The following NTF3 variants were observed in gnomAD, a reference collection of about 807,000 sequenced individuals.
NTF3 encodes neurotrophin-3.
In NTF3, 8 loss-of-function variants were observed where a neutral mutation model predicts 26.3. That is an observed-to-expected ratio of 0.30 (90% confidence interval 0.18 to 0.55). The LOEUF (loss-of-function observed/expected upper bound fraction) is 0.55. Among genes scored for constraint, NTF3 ranks in the 20% least tolerant of loss-of-function variants. The pLI is 0.93. For synonymous variants in NTF3, 154 were observed against 145.5 expected (o/e 1.06, Z -0.42); for missense variants, 276 against 352.9 (o/e 0.78, Z 1.75).
At chr12:5,487,380 T>A (rs1448498192) in intron 1 of NTF3, among the ~76,000 whole-genome samples, 18 of 152,242 alleles carry the variant, frequency 1.2e-4, no homozygotes, top group African/African-American at 4.1e-4. Flanking sequence ...TCTATCTCCA[T>A]CTCGGTCCAC....
At chr12:5,478,268 C>T (rs917541241) in intron 1 of NTF3, among the ~76,000 whole-genome samples, 1 of 152,242 alleles carries the variant, frequency 6.6e-6, no homozygotes, top group Admixed American at 6.5e-5. Context: ...GGTCCACCTG[C>T]AAGACTACAG....
chr12:5,476,268 G>C, intron 1 of NTF3, among the ~76,000 whole-genome samples: 1 of 152,140 alleles, frequency 6.6e-6, no homozygotes, highest in East Asian at 1.9e-4. Context: ...AAGGAGATTC[G>C]TAGGTGGAGT....
intron 1 of NTF3, among the ~76,000 whole-genome samples, chr12:5,491,004 A>G (rs1363502465): frequency 6.6e-6 from 1 of 152,190 alleles, no homozygotes; most frequent in Non-Finnish European, 1.5e-5. Flanking sequence ...ACCTGATGCT[A>G]TGCTAGGTGC....
chr12:5,432,440 T>G (rs1295029363), intron 1 of NTF3, 98 bp downstream of exon 1: 1 of 1,323,952 alleles, frequency 7.6e-7, no homozygotes, highest in Non-Finnish European at 1.1e-6. Flanking sequence ...GGGCCCCAGA[T>G]CCGCATCCCG....
At chr12:5,480,401 C>T (rs1269010868) in intron 1 of NTF3, among the ~76,000 whole-genome samples, 1 of 152,176 alleles carries the variant, frequency 6.6e-6, no homozygotes, top group Non-Finnish European at 1.5e-5. Context: ...TGTTGCCTTG[C>T]TGTAAAAGCT....
intron 1 of NTF3, among the ~76,000 whole-genome samples, chr12:5,458,464 C>T (rs1940481074): frequency 1.3e-5 from 2 of 152,196 alleles, no homozygotes; most frequent in South Asian, 4.1e-4. Context: ...GGAACAATTC[C>T]CACTTGTTCC....
At chr12:5,438,263 A>T (rs777647870) in intron 1 of NTF3, among the ~76,000 whole-genome samples, 4 of 152,174 alleles carry the variant, frequency 2.6e-5, no homozygotes, top group Admixed American at 1.3e-4. Flanking sequence ...ATAGTTTTCC[A>T]TAACTCAGTC....
At chr12:5,486,117 C>T (rs1285022423) in intron 1 of NTF3, among the ~76,000 whole-genome samples, 1 of 152,164 alleles carries the variant, frequency 6.6e-6, no homozygotes, top group Non-Finnish European at 1.5e-5. Flanking sequence ...AGCAGGGAGA[C>T]AGGAGGGGCC....
rs920773969 is a variant in NTF3 at position 5,481,654 on chromosome 12, G to A, written c.19-12540G>A. On this transcript the variant is annotated intron_variant, in intron 1 of 1. Coordinates refer to ENST00000423158, the MANE Select transcript of NTF3 (RefSeq NM_001102654.2). The stretch of plus-strand genomic sequence containing the variant: ...ATGCACACATACAGATATACTCACA[G>A]AATACACACATGCACACACATGTAT... Among the ~76,000 whole-genome samples, 3 of 112,142 alleles carry A rather than the reference G, an allele frequency of 2.7e-5. No homozygotes were observed. In the Admixed American group the frequency reaches 2.8e-4, roughly 11 times the overall value. 73.6% of individuals were successfully genotyped at this position (112,142 alleles called of 152,430 possible). A position where few individuals can be genotyped will look rare whatever the true frequency, so the allele number is the denominator to read the frequency against.
chr12:5,495,214 C>A lies in NTF3; in HGVS notation c.*226C>A. ...GTTTTGTGATCCGGCTCTCAGGAGT[C>A]ACTCTGTAAAATCTGTGTACACCAG... On this transcript the variant is annotated 3_prime_UTR_variant, in exon 2 of 2. Coordinates refer to ENST00000423158, the MANE Select transcript of NTF3 (RefSeq NM_001102654.2). 1.9e-6 allele frequency: 1 copy of A among 530,914 alleles called. No homozygotes were observed. The highest frequency in any genetic ancestry group is 3.4e-6 in the Non-Finnish European group (1 of 294,234). The allele number at this position is 530,914 out of a possible 1,614,324, so 32.9% of individuals were successfully genotyped here. A position where few individuals can be genotyped will look rare whatever the true frequency, so the allele number is the denominator to read the frequency against.
At chr12:5,436,996 C>A (rs1940175551) in intron 1 of NTF3, among the ~76,000 whole-genome samples, 1 of 152,152 alleles carries the variant, frequency 6.6e-6, no homozygotes, top group African/African-American at 2.4e-5. Context: ...GACATAGGCA[C>A]CATTTGAATA....
At chr12:5,493,037 G>A (rs892481935) in intron 1 of NTF3, among the ~76,000 whole-genome samples, 9 of 152,192 alleles carry the variant, frequency 5.9e-5, no homozygotes, top group African/African-American at 1.7e-4. Flanking sequence ...AGGTGGCAGC[G>A]ATGGTGATTA....
chr12:5,462,885 C>G lies in NTF3; in HGVS notation c.18+30543C>G, dbSNP rs117556221. Among the ~76,000 whole-genome samples, 87 of 152,316 alleles carry G rather than the reference C, an allele frequency of 5.7e-4. No individual in the cohort carries two copies. The East Asian group carries it at 0.016, about 28-fold the overall frequency. On this transcript the variant is annotated intron_variant, in intron 1 of 1. Coordinates refer to ENST00000423158, the MANE Select transcript of NTF3 (RefSeq NM_001102654.2). Reference sequence around the variant, plus strand: ...GCCTTAGCTTTTTGGTTCTCCAGAGCAGCTTCACTGTGACTGAAGAGAGCC... The same window carrying G: ...GCCTTAGCTTTTTGGTTCTCCAGAGGAGCTTCACTGTGACTGAAGAGAGCC...
intron 1 of NTF3, among the ~76,000 whole-genome samples, chr12:5,435,636 G>C (rs1484275638): frequency 1.3e-5 from 2 of 152,172 alleles, no homozygotes; most frequent in East Asian, 3.9e-4. Context: ...TGCAGGTCCA[G>C]ATCCCTCTAA....
At chr12:5,444,589 G>A (rs1940280616) in intron 1 of NTF3, among the ~76,000 whole-genome samples, 1 of 152,198 alleles carries the variant, frequency 6.6e-6, no homozygotes, top group Admixed American at 6.5e-5. Flanking sequence ...AGAAGCCCAG[G>A]GAGGGGATGA....
intron 1 of NTF3, among the ~76,000 whole-genome samples, chr12:5,439,324 G>A (rs1206074842): frequency 6.6e-6 from 1 of 152,236 alleles, no homozygotes; most frequent in Non-Finnish European, 1.5e-5. Flanking sequence ...GAGGTTATGT[G>A]AGGTTAAGGG....
intron 1 of NTF3, among the ~76,000 whole-genome samples, chr12:5,437,571 G>A (rs968160777): frequency 6.6e-6 from 1 of 152,146 alleles, no homozygotes; most frequent in African/African-American, 2.4e-5. Flanking sequence ...TCTGTGCATT[G>A]CCTGGAAGTG....
chr12:5,492,976 G>C (rs1565398543), intron 1 of NTF3, among the ~76,000 whole-genome samples: 1 of 152,178 alleles, frequency 6.6e-6, no homozygotes, highest in East Asian at 1.9e-4. Context: ...TATTTTCCAT[G>C]TTTGGACAGA....
chr12:5,450,263 T>G (rs1940356358), intron 1 of NTF3, among the ~76,000 whole-genome samples: 1 of 152,202 alleles, frequency 6.6e-6, no homozygotes, highest in South Asian at 2.1e-4. Context: ...GAAATCATGG[T>G]GGAGCAGCAT....
Sources: allele counts gnomAD v4.1 joint callset (sites outside exome capture counted in the v4.1 genomes callset), GRCh38; gene constraint gnomAD v4.1.1; transcripts MANE v1.5; gene names NCBI Gene and HGNC (gene_info 2026-07-23, HGNC 2026-07-21).